The following ANO2 variants were observed in gnomAD, a reference collection of about 807,000 sequenced individuals.
ANO2 encodes anoctamin 2.
A neutral mutation model predicts 124.2 loss-of-function variants in ANO2; 101 were observed. The observed-to-expected ratio is 0.81, with a 90% CI of 0.69 to 0.96. ANO2 has a LOEUF of 0.96. ANO2 is among the 40% of genes least tolerant of loss of function. The pLI is 0.00. For synonymous variants in ANO2, 486 were observed against 482.5 expected, an observed-to-expected ratio of 1.01 and a Z score of -0.09; for missense variants, 1,293 against 1,274.5, an observed-to-expected ratio of 1.01 and a Z score of -0.22.
At chr12:5,685,768 C>A (rs1236327805) in intron 14 of ANO2, among the ~76,000 whole-genome samples, 2 of 151,332 alleles carry the variant, frequency 1.3e-5, no homozygotes, top group Non-Finnish European at 3.0e-5. Flanking sequence ...CAAAGTGAGA[C>A]CCTGTCTCAA....
In ANO2 at chr12:5,928,488, C is replaced by A. The variant is rs914215136; in HGVS notation, c.23-5684G>T. On this transcript the variant is annotated intron_variant, in intron 1 of 24. Coordinates refer to ENST00000682330, the MANE Select transcript of ANO2 (RefSeq NM_001364791.2). ...CCTTCGTCACTAGTCTACTTTCCTT[C>A]CTCACTGGTCTACTTTCCTTCCTCT... is the stretch of plus-strand genomic sequence containing the variant. 1.7e-4 allele frequency among the ~76,000 whole-genome samples: 25 copies of A among 146,364 alleles called. 1 individual carries two copies. Among genetic ancestry groups the A allele is most frequent in the Admixed American group, 2.8e-4 (4 of 14,096 alleles).
rs377359247 is a variant in ANO2, at chr12:5,635,183, G to A, written c.1785C>T (p.Tyr595=). 76 of 1,598,936 alleles carry A rather than the reference G, an allele frequency of 4.8e-5. No homozygotes were observed. The highest frequency in any genetic ancestry group is 1.6e-4 in the Admixed American group (9 of 56,456). ...TGGTGAGCCACTTGGCCACAGCGCCGTAGATCTCGTCCAGGATGAGGATGA... is the reference window on the plus strand; with the variant it reads ...TGGTGAGCCACTTGGCCACAGCGCCATAGATCTCGTCCAGGATGAGGATGA... ...LVVILILDEI[Y]GAVAKWLTKI... The change falls in exon 16 of 25, where the codon TAC becomes TAT. Residue 595 remains tyrosine, a synonymous_variant. Transcript: ENST00000682330. The surrounding 1 kb of genome is among the most constrained non-coding windows in gnomAD (Gnocchi z 5.2).
At chr12:5,651,885 A>G (rs1286862739) in intron 14 of ANO2, among the ~76,000 whole-genome samples, 2 of 152,172 alleles carry the variant, frequency 1.3e-5, no homozygotes, top group Non-Finnish European at 2.9e-5. Flanking sequence ...AGCATAGTGC[A>G]TTTGAAATTC....
Position 5,921,166 on chromosome 12 carries a change from A to G in ANO2, c.408T>C (p.His136=). ...GCTCAATGTCACCTGGGCCCCCAGC[A>G]TGAGGCTCCTTGCCTGTCTCCCCAT... ...VSNGETGKEP[H]AGGPGDIELG... is the part of the protein sequence containing the mutation. The change falls in exon 3 of 25, where the codon CAT becomes CAC. Residue 136 remains histidine (H), a synonymous_variant. Transcript: ENST00000682330. The G allele has an allele frequency of 6.2e-7, 1 of 1,613,958 alleles. No homozygotes were observed. The highest frequency in any genetic ancestry group is 8.5e-7 in the Non-Finnish European group (1 of 1,179,868).
At chr12:5,765,654 G>C (rs1379846260) in intron 10 of ANO2, among the ~76,000 whole-genome samples, 2 of 152,188 alleles carry the variant, frequency 1.3e-5, no homozygotes, top group East Asian at 3.8e-4. Context: ...AAAATTGAAT[G>C]AGCAAGGTAT....
In ANO2 at chr12:5,827,332, C is replaced by T. The variant is rs568267105; in HGVS notation, c.892+437G>A. Among the ~76,000 whole-genome samples the T allele has an allele frequency of 4.6e-5, 7 of 151,388 alleles. No homozygotes were observed. The South Asian group carries it at 1.4e-3, about 31-fold the overall frequency. On this transcript the variant is annotated intron_variant, in intron 7 of 24. Transcript: ENST00000682330. ...ACTCAGCTATCACGTGCTGTGTGGG[C>T]TTAGGACAGTCATGACCCCTCTCTG...
intron 14 of ANO2, among the ~76,000 whole-genome samples, chr12:5,711,295 A>G (rs1176121746): frequency 6.6e-6 from 1 of 152,018 alleles, no homozygotes; most frequent in East Asian, 1.9e-4. Flanking sequence ...CTATTAGTTC[A>G]TGTGAGAGCT....
Position 5,900,275 on chromosome 12 carries a change from G to C in ANO2, c.534+20765C>G, listed in dbSNP as rs1379977979. Among the ~76,000 whole-genome samples the C allele has an allele frequency of 6.6e-6, 1 of 152,178 alleles. No homozygotes were observed. The highest frequency in any genetic ancestry group is 1.5e-5 in the Non-Finnish European group (1 of 68,032). On this transcript the variant is annotated intron_variant, in intron 3 of 24. Transcript: ENST00000682330. This position sits in a 1 kb window ranked among gnomAD's most constrained non-coding sequence, Gnocchi z 4.2. ...AGCTCTGGCTCAAGGTAAAGAGTGA[G>C]GAAAAATGCAGGCAGGCTGAGACTT... is the stretch of plus-strand genomic sequence containing the variant.
At chr12:5,725,340 TC>T (rs1950395747) in intron 14 of ANO2, among the ~76,000 whole-genome samples, 1 of 152,096 alleles carries the variant, frequency 6.6e-6, no homozygotes, top group Non-Finnish European at 1.5e-5. Context: ...TTATTTCTCT[TC>T]CCCGATAGCC....
At chr12:5,717,574 T>C (rs1384304711) in intron 14 of ANO2, among the ~76,000 whole-genome samples, 1 of 152,206 alleles carries the variant, frequency 6.6e-6, no homozygotes, top group African/African-American at 2.4e-5. Flanking sequence ...CATCCTGAGC[T>C]TACCCTTCCC....
At chr12:5,933,441 G>T (rs1311981134) in intron 1 of ANO2, among the ~76,000 whole-genome samples, 2 of 152,208 alleles carry the variant, frequency 1.3e-5, no homozygotes, top group African/African-American at 4.8e-5. Flanking sequence ...ACATTAGAAA[G>T]ATGGCCCTGG....
At chr12:5,827,463 G>A (rs1953994282) in intron 7 of ANO2, among the ~76,000 whole-genome samples, 2 of 152,198 alleles carry the variant, frequency 1.3e-5, no homozygotes, top group Admixed American at 1.3e-4. Context: ...AAACAGAGGA[G>A]CCGCAGAATT....
chr12:5,798,273 A>G (rs1424129497), intron 10 of ANO2, among the ~76,000 whole-genome samples: 2 of 151,998 alleles, frequency 1.3e-5, no homozygotes, highest in African/African-American at 4.8e-5. Flanking sequence ...CAGGCCCCGC[A>G]TGTCCCTGCT....
chr12:5,859,604 T>C (rs1387151443), intron 3 of ANO2, among the ~76,000 whole-genome samples: 1 of 152,040 alleles, frequency 6.6e-6, no homozygotes, highest in Non-Finnish European at 1.5e-5. Flanking sequence ...GGCACCATCT[T>C]GGCTCACTGC....
Position 5,707,556 on chromosome 12 carries a change from C to A in ANO2, c.1545+24964G>T, listed in dbSNP as rs181215168. On this transcript the variant is annotated intron_variant, in intron 14 of 24. Transcript: ENST00000682330. ...TCAAGGTGGTGCATTTAGAAAGCAT[C>A]AGAAGCAAGTTTTCTGACCCAATTC... is the stretch of plus-strand genomic sequence containing the variant. Among the ~76,000 whole-genome samples, 39 of 152,232 alleles carry A rather than the reference C, an allele frequency of 2.6e-4. No homozygotes were observed. In the East Asian group the frequency reaches 6.6e-3, roughly 26 times the overall value.
At chr12:5,920,979 T>C in intron 3 of ANO2, 61 bp downstream of exon 3, 1 of 1,539,106 alleles carries the variant, frequency 6.5e-7, no homozygotes, top group Non-Finnish European at 8.8e-7. Flanking sequence ...CACTGCTCAC[T>C]AGGAGCCCGG....
At chr12:5,655,084 C>T in intron 14 of ANO2, among the ~76,000 whole-genome samples, 1 of 152,286 alleles carries the variant, frequency 6.6e-6, no homozygotes, top group South Asian at 2.1e-4. Context: ...CTACGCAAGT[C>T]CCCTATTCTT....
At chr12:5,692,972 C>T (rs1949008669) in intron 14 of ANO2, among the ~76,000 whole-genome samples, 1 of 152,162 alleles carries the variant, frequency 6.6e-6, no homozygotes, top group Admixed American at 6.5e-5. Context: ...CCTCGCATGA[C>T]CCCCTGGGAC....
chr12:5,747,056 C>T (rs1158006533), intron 11 of ANO2, among the ~76,000 whole-genome samples: 1 of 152,202 alleles, frequency 6.6e-6, no homozygotes, highest in African/African-American at 2.4e-5. Flanking sequence ...AGCTCCACCT[C>T]ATCAATGTCA....
Sources: gnomAD v4.1 joint callset for allele counts (sites outside exome capture counted in the v4.1 genomes callset) on GRCh38, gnomAD v4.1.1 for gene constraint, Gnocchi (gnomAD v3.1) non-coding constraint, MANE v1.5 for transcripts, NCBI Gene and HGNC (gene_info 2026-07-23, HGNC 2026-07-21) for gene names.